PCNX1: variants seen among roughly 807,000 people sequenced by gnomAD.
PCNX1 encodes the protein pecanex-like protein 1.
Under a neutral mutation model 242.2 loss-of-function variants are expected in PCNX1, and 78 were observed. The ratio of observed to expected loss-of-function variants is 0.32; its 90% confidence interval spans 0.27 to 0.39. PCNX1 has a LOEUF of 0.39. Ranked by LOEUF, PCNX1 falls within the 10% of genes least tolerant of loss-of-function variation. The pLI is 1.00. For missense variants in PCNX1, 2,581 were observed against 2,856.5 expected (o/e 0.90, Z 2.20); for synonymous variants, 1,024 against 1,032.9 (o/e 0.99, Z 0.17).
At chr14:70,952,311 CA>C (rs1420712505) in intron 2 of PCNX1, among the ~76,000 whole-genome samples, 7 of 152,148 alleles carry the variant, frequency 4.6e-5, no homozygotes, top group Non-Finnish European at 8.8e-5. Context: ...ACTAAGTTAG[CA>C]ATAATCAAGT....
intron 2 of PCNX1, among the ~76,000 whole-genome samples, chr14:70,960,744 A>G (rs1213718177): frequency 1.3e-5 from 2 of 151,814 alleles, no homozygotes; most frequent in Admixed American, 1.3e-4. Context: ...TGCAGGTGAT[A>G]TGATTGTATA....
chr14:70,917,856 A>G (rs575015575), intron 1 of PCNX1, among the ~76,000 whole-genome samples: 1 of 152,352 alleles, frequency 6.6e-6, no homozygotes, highest in East Asian at 1.9e-4. Flanking sequence ...TGTTTTATCT[A>G]CACCAAAAAT....
intron 2 of PCNX1, among the ~76,000 whole-genome samples, chr14:70,951,443 C>T (rs1292866783): frequency 6.6e-6 from 1 of 151,958 alleles, no homozygotes; most frequent in African/African-American, 2.4e-5. Flanking sequence ...GGTGCGATCT[C>T]GGCTCACTGC....
chr14:71,077,849 A>G (rs1240668601), intron 28 of PCNX1, among the ~76,000 whole-genome samples: 1 of 152,216 alleles, frequency 6.6e-6, no homozygotes, highest in Non-Finnish European at 1.5e-5. Context: ...TAATGGGAAC[A>G]GTCATGTTAT....
At chr14:71,096,732 A>G (rs116663084) in intron 30 of PCNX1, among the ~76,000 whole-genome samples, 2,362 of 152,306 alleles carry the variant, frequency 0.016, 59 homozygotes, top group African/African-American at 0.053. Flanking sequence ...TATGAATGCT[A>G]TCTTAGATCA....
chr14:71,015,407 T>C (rs1446822468), intron 11 of PCNX1, among the ~76,000 whole-genome samples: 2 of 152,216 alleles, frequency 1.3e-5, no homozygotes, highest in Non-Finnish European at 2.9e-5. Flanking sequence ...AAATTTATGA[T>C]AATAGCATAA....
intron 1 of PCNX1, among the ~76,000 whole-genome samples, chr14:70,926,720 G>A (rs1055842457): frequency 2.6e-5 from 4 of 152,064 alleles, no homozygotes; most frequent in African/African-American, 4.8e-5. Flanking sequence ...TACCCTCAAG[G>A]GGGCAGAAAT....
At chr14:70,960,454 C>A (rs1211584146) in intron 2 of PCNX1, among the ~76,000 whole-genome samples, 1 of 152,068 alleles carries the variant, frequency 6.6e-6, no homozygotes, top group Non-Finnish European at 1.5e-5. Context: ...AGGCCTTTGA[C>A]AAAATTCAAC....
At chr14:71,022,211 G>A (rs1177780432) in intron 12 of PCNX1, among the ~76,000 whole-genome samples, 1 of 152,056 alleles carries the variant, frequency 6.6e-6, no homozygotes, top group African/African-American at 2.4e-5. Flanking sequence ...AAAATTACTG[G>A]TTGTCAGTCT....
At chr14:70,978,924 G>A (rs944698109) in intron 6 of PCNX1, among the ~76,000 whole-genome samples, 1 of 152,078 alleles carries the variant, frequency 6.6e-6, no homozygotes, top group Non-Finnish European at 1.5e-5. Flanking sequence ...ACCTGTTAAT[G>A]TTTTGCTGGG....
intron 25 of PCNX1, among the ~76,000 whole-genome samples, 157 bp downstream of exon 25, chr14:71,055,719 A>G (rs2061165686): frequency 6.6e-6 from 1 of 152,230 alleles, no homozygotes; most frequent in Admixed American, 6.5e-5. Context: ...CAAAATATAT[A>G]TAAATTACAG....
intron 8 of PCNX1, among the ~76,000 whole-genome samples, chr14:71,001,333 G>GAT (rs1490003997): frequency 6.6e-6 from 1 of 152,102 alleles, no homozygotes; most frequent in Non-Finnish European, 1.5e-5. Flanking sequence ...TTGGGGCTTT[G>GAT]ATATATACTG....
intron 1 of PCNX1, among the ~76,000 whole-genome samples, chr14:70,922,224 G>A (rs1392737615): frequency 6.6e-6 from 1 of 151,998 alleles, no homozygotes; most frequent in Non-Finnish European, 1.5e-5. Flanking sequence ...AAAATCCTTT[G>A]TTAAGTTTTT....
chr14:70,959,040 A>G (rs1013459012), intron 2 of PCNX1, among the ~76,000 whole-genome samples: 9 of 148,736 alleles, frequency 6.1e-5, no homozygotes, highest in African/African-American at 1.7e-4. Context: ...AAAAGATTAT[A>G]TATAGACTAT....
chr14:71,047,264 A>G (rs575941713), intron 21 of PCNX1, among the ~76,000 whole-genome samples, 159 bp downstream of exon 21: 1 of 152,232 alleles, frequency 6.6e-6, no homozygotes, highest in African/African-American at 2.4e-5. Flanking sequence ...CCTTTTTTAA[A>G]CATTTGTTTC....
At chr14:71,047,179 A>G in intron 21 of PCNX1, 74 bp downstream of exon 21, 1 of 887,592 alleles carries the variant, frequency 1.1e-6, no homozygotes, top group Non-Finnish European at 1.6e-6. Flanking sequence ...TTGTTGATCA[A>G]ATATTAAATA....
intron 28 of PCNX1, 99 bp from the exon 29 acceptor site, chr14:71,088,231 T>C (rs2062041280): frequency 3.3e-6 from 2 of 608,576 alleles, no homozygotes; most frequent in South Asian, 4.6e-5. Context: ...AATTATGTAC[T>C]CTTTGAATTC....
rs146202834 is a variant in PCNX1, at chr14:71,102,617, G to A, written c.5820+397G>A. Among the ~76,000 whole-genome samples the A allele has an allele frequency of 7.9e-5, 12 of 152,148 alleles. No homozygotes were observed. In the East Asian group the frequency reaches 2.3e-3, roughly 29 times the overall value. On this transcript the variant is annotated intron_variant, in intron 31 of 35. Coordinates refer to ENST00000304743, the MANE Select transcript of PCNX1 (RefSeq NM_014982.3). ...GAAAGTTTTTTCACAGAAAAAAAAT[G>A]TGATGACCATATTACATTTGTCTTT...
rs112682666 is a variant in PCNX1, at chr14:70,950,680, T to C, written c.362+3557T>C. Among the ~76,000 whole-genome samples the C allele has an allele frequency of 2.4e-4, 37 of 152,256 alleles. 3 individuals are homozygous for C. The highest frequency in any genetic ancestry group is 8.2e-4 in the African/African-American group (34 of 41,578). On this transcript the variant is annotated intron_variant, in intron 2 of 35. Transcript: ENST00000304743. The stretch of plus-strand genomic sequence containing the variant: ...AACTGTGATATCTCATTGTTTAATA[T>C]TGTTTAATATGTAAATAAATTATTG...
Sources: allele counts gnomAD v4.1 joint callset (sites outside exome capture counted in the v4.1 genomes callset), GRCh38; gene constraint gnomAD v4.1.1; transcripts MANE v1.5; gene names NCBI Gene and HGNC (gene_info 2026-07-23, HGNC 2026-07-21).